The following MUC4 variants were observed in gnomAD, a reference collection of about 807,000 sequenced individuals.
MUC4 encodes the protein mucin-4.
Under a neutral mutation model 257.9 loss-of-function variants are expected in MUC4, and 202 were observed. That is an observed-to-expected ratio of 0.78 (90% CI 0.70 to 0.88). The LOEUF (loss-of-function observed/expected upper bound fraction) is 0.88. MUC4 is among the 40% of genes least tolerant of loss of function. The probability of loss-of-function intolerance (pLI) is 0.00; values close to 1 mark genes in which losing one functional copy is unlikely to be tolerated. For synonymous variants in MUC4, 2,351 were observed against 2,757.1 expected (o/e 0.85, Z 4.62); for missense variants, 5,976 against 6,513.7 (o/e 0.92, Z 2.84).
intron 17 of MUC4, 60 bp downstream of exon 17, chr3:195,759,064 G>C (rs528810492): frequency 2.5e-6 from 4 of 1,585,440 alleles, no homozygotes; most frequent in Admixed American, 1.7e-5. Flanking sequence ...TCCCAAATTT[G>C]ACTCTGACCT....
rs1216781703 is a variant in MUC4, at chr3:195,788,545, G to A, written c.3035C>T (p.Thr1012Ile). Reference protein sequence around the residue: ...STGHATPLPVTSPSSVSTGHT... With the variant: ...STGHATPLPVISPSSVSTGHT... Reference sequence around the variant, plus strand: ...ACCTGTGGATACTGAGGAAGGGCTGGTGACAGGAAGAGGGGTGGCGTGACC... The same window carrying A: ...ACCTGTGGATACTGAGGAAGGGCTGATGACAGGAAGAGGGGTGGCGTGACC... Residue 1012 changes from threonine to isoleucine, a missense_variant, in exon 2 of 25, where the codon ACC (threonine) becomes ATC (isoleucine). Thr to Ile is a moderately conservative substitution (Grantham distance 89). Transcript: ENST00000463781. 3 of 1,526,712 alleles carry A rather than the reference G, an allele frequency of 2.0e-6. No homozygotes were observed. The highest frequency in any genetic ancestry group is 2.7e-5 in the African/African-American group (2 of 72,886). The allele number at this position is 1,526,712 out of a possible 1,614,324, so 94.6% of individuals were successfully genotyped here. A position where few individuals can be genotyped will look rare whatever the true frequency, so the allele number is the denominator to read the frequency against.
Position 195,788,960 on chromosome 3 carries a change from G to C in MUC4, c.2620C>G (p.Pro874Ala). 6.2e-7 allele frequency: 1 copy of C among 1,613,656 alleles called. No individual in the cohort carries two copies. Among genetic ancestry groups the C allele is most frequent in the South Asian group, 1.1e-5 (1 of 91,064 alleles). ...GCAGTGGAGGCCTCAGAGAGGGTGG[G>C]ATGAAAGGTGCCGGGGACGATCGAA... Reference protein sequence around the residue: ...ASSIVPGTFHPTLSEASTAGR... With the variant: ...ASSIVPGTFHATLSEASTAGR... Residue 874 changes from proline (P) to alanine (A), a missense_variant, in exon 2 of 25, where the codon CCC (proline) becomes GCC (alanine). By Grantham distance (27) the Pro-to-Ala change is conservative. Transcript: ENST00000463781.
In MUC4 at chr3:195,762,191, C is replaced by T. The variant is rs1719128996; in HGVS notation, c.14408G>A (p.Ser4803Asn). 2 of 1,603,400 alleles carry T rather than the reference C, an allele frequency of 1.2e-6. No individual in the cohort carries two copies. The highest frequency in any genetic ancestry group is 2.3e-5 in the South Asian group (2 of 88,868). ...CGAGACGGTGGCCCAGCCGTCGAAG[C>T]TGGCCGAGACCTCAGAGCCGTTGCG... ...LSRNGSEVSA[S>N]FDGWATVSVI... Residue 4803 changes from serine to asparagine, a missense_variant, in exon 14 of 25, where the codon AGC (serine) becomes AAC (asparagine). Ser to Asn is a conservative substitution (Grantham distance 46). Coordinates refer to ENST00000463781, the MANE Select transcript of MUC4 (RefSeq NM_018406.7).
rs1432025733 is a variant in MUC4 at position 195,778,405 on chromosome 3, A to T, written c.12841T>A (p.Ser4281Thr). ...GTCTGGGAGGTTGTGGGGGGTGGTG[A>T]TGTGGCTGTGCGTCTCCCACCGTCT... ...KTDGGRRTATSPPPTTSQTII... is the reference protein window; with the variant it reads ...KTDGGRRTATTPPPTTSQTII... Residue 4281 changes from serine to threonine, a missense_variant, in exon 3 of 25, where the codon TCA becomes ACA. By Grantham distance (58) the Ser-to-Thr change is moderately conservative. This residue lies in a region of MUC4 where 233 missense variants were observed against 171.2 expected (regional missense o/e 1.36). Transcript: ENST00000463781. 2 of 1,612,678 alleles carry T rather than the reference A, an allele frequency of 1.2e-6. No homozygotes were observed. Among genetic ancestry groups the T allele is most frequent in the African/African-American group, 1.3e-5 (1 of 74,752 alleles).
intron 3 of MUC4, among the ~76,000 whole-genome samples, chr3:195,777,584 C>CCCATACCTTCCACGG (rs1725156804): frequency 3.5e-5 from 4 of 114,956 alleles, no homozygotes; most frequent in Admixed American, 8.6e-5. Flanking sequence ...ACCTTCCACA[C>CCCATACCTTCCACGG]CCATACCTTC....
chr3:195,763,991 C>A lies in MUC4; in HGVS notation c.14044+54G>T, dbSNP rs1278977721. The A allele has an allele frequency of 3.2e-6, 5 of 1,571,272 alleles. No homozygotes were observed. The East Asian group carries it at 9.2e-5, about 29-fold the overall frequency. On this transcript the variant is annotated intron_variant, in intron 11 of 24. Transcript: ENST00000463781. Reference sequence around the variant, plus strand: ...TATCCAGATGCCACCTCCCGGAAGCCCAGAAGCTCCCCCTCCCCAGAGGCT... The same window carrying A: ...TATCCAGATGCCACCTCCCGGAAGCACAGAAGCTCCCCCTCCCCAGAGGCT...
Position 195,799,260 on chromosome 3 carries a change from T to TGTGTGTGTGAGAGA in MUC4, c.83-7764_83-7763insTCTCTCACACACAC, listed in dbSNP as rs1553889795. Among the ~76,000 whole-genome samples, 935 of 149,210 alleles carry TGTGTGTGTGAGAGA rather than the reference T, an allele frequency of 6.3e-3. 9 individuals are homozygous for TGTGTGTGTGAGAGA. Among genetic ancestry groups the TGTGTGTGTGAGAGA allele is most frequent in the South Asian group, 8.6e-3 (41 of 4,752 alleles). ...GTGTGTGTGTGTGTGTGTGTGTGTG[T>TGTGTGTGTGAGAGA]GACACTGTGTGTGTGTGTCCCTGCC... On this transcript the variant is annotated intron_variant, in intron 1 of 24. Transcript: ENST00000463781.
chr3:195,791,472 A>C lies in MUC4; in HGVS notation c.108T>G (p.Thr36=), dbSNP rs1733857336. 2.5e-6 allele frequency: 4 copies of C among 1,613,850 alleles called. No homozygotes were observed. In the Middle Eastern group the frequency reaches 5.0e-4, roughly 200 times the overall value. The change falls in exon 2 of 25, where the codon ACT becomes ACG. Residue 36 remains threonine (T), a synonymous_variant. Coordinates refer to ENST00000463781, the MANE Select transcript of MUC4 (RefSeq NM_018406.7). Reference sequence around the variant, plus strand: ...TGACTGGGGCAGCAGTTTTACTTCCAGTTATTAATGTGTCCTCTGTGGTTC... The same window carrying C: ...TGACTGGGGCAGCAGTTTTACTTCCCGTTATTAATGTGTCCTCTGTGGTTC... The part of the protein sequence containing the change: ...VPGTTEDTLI[T]GSKTAAPVTS...
intron 1 of MUC4, among the ~76,000 whole-genome samples, chr3:195,792,311 G>T (rs1350256954): frequency 6.6e-6 from 1 of 152,108 alleles, no homozygotes; most frequent in Non-Finnish European, 1.5e-5. Flanking sequence ...CCATCAAAAA[G>T]CAGGCAAAGG....
Position 195,753,923 on chromosome 3 carries a change from C to T in MUC4, c.15328+290G>A, listed in dbSNP as rs1716989809. The T allele has an allele frequency of 1.5e-5, 6 of 387,678 alleles. No individual in the cohort carries two copies. The East Asian group carries it at 2.4e-4, about 15-fold the overall frequency. The allele number at this position is 387,678 out of a possible 1,614,324, so 24.0% of individuals were successfully genotyped here. A position where few individuals can be genotyped will look rare whatever the true frequency, so the allele number is the denominator to read the frequency against. On this transcript the variant is annotated intron_variant, in intron 19 of 24. Transcript: ENST00000463781. ...ATCTTCAGTCTTTCGCCCGGGGCTC[C>T]CCCCATCAATGCCTCAGGGATGCCC...
chr3:195,761,750 C>A (rs1718965777), intron 14 of MUC4, among the ~76,000 whole-genome samples, 165 bp from the exon 15 acceptor site: 1 of 152,170 alleles, frequency 6.6e-6, no homozygotes, highest in Non-Finnish European at 1.5e-5. Context: ...TCACACCCTG[C>A]CCGTCTGCCT....
In MUC4 at chr3:195,790,838, A is replaced by G. The variant is rs1733768651; in HGVS notation, c.742T>C (p.Ser248Pro). 6.2e-7 allele frequency: 1 copy of G among 1,613,632 alleles called. No individual in the cohort carries two copies. Among genetic ancestry groups the G allele is most frequent in the Non-Finnish European group, 8.5e-7 (1 of 1,179,828 alleles). Residue 248 changes from serine (S) to proline (P), a missense_variant, in exon 2 of 25, where the codon TCA (serine) becomes CCA (proline). Physicochemically the swap from Ser to Pro is moderately conservative, Grantham distance 74. Coordinates refer to ENST00000463781, the MANE Select transcript of MUC4 (RefSeq NM_018406.7). ...GTGTTTGTGACACTACAGAGGGATGAGGTAGCTGTTTCACCTGAAGGAGAT... is the reference window on the plus strand; with the variant it reads ...GTGTTTGTGACACTACAGAGGGATGGGGTAGCTGTTTCACCTGAAGGAGAT... The part of the protein sequence containing the change: ...KTSPSGETAT[S>P]SLCSVTNTSM...
chr3:195,796,067 T>C (rs1409207741), intron 1 of MUC4, among the ~76,000 whole-genome samples: 3 of 152,044 alleles, frequency 2.0e-5, no homozygotes, highest in Admixed American at 2.0e-4. Flanking sequence ...AAAACTATTT[T>C]ATTTTATTTA....
chr3:195,774,341 G>A (rs1252835955), intron 3 of MUC4, 36 bp from the exon 4 acceptor site: 2 of 1,486,258 alleles, frequency 1.3e-6, no homozygotes, highest in African/African-American at 2.9e-5. Flanking sequence ...AAGTCCAAGT[G>A]GGCCTGGGCC....
chr3:195,772,462 C>T (rs112973202), intron 4 of MUC4, among the ~76,000 whole-genome samples: 1 of 138,404 alleles, frequency 7.2e-6, no homozygotes, highest in African/African-American at 2.9e-5. Context: ...GGTGTAGACA[C>T]CCTCTCTCCA....
chr3:195,748,621 A>G (rs1715656302), intron 24 of MUC4, among the ~76,000 whole-genome samples: 1 of 152,264 alleles, frequency 6.6e-6, no homozygotes, highest in African/African-American at 2.4e-5. Context: ...TGCTTAACCT[A>G]CTGCGTCCTG....
chr3:195,758,480 A>T (rs538768071), intron 17 of MUC4, among the ~76,000 whole-genome samples: 1 of 152,314 alleles, frequency 6.6e-6, no homozygotes, highest in Non-Finnish European at 1.5e-5. Flanking sequence ...GGTCATTTTA[A>T]ATGTTGCACT....
In MUC4 at chr3:195,786,463, G is replaced by A; in HGVS notation, c.5117C>T (p.Ser1706Phe). ...AGGAAGAGGGGTGGCCTGACCTGTG[G>A]ATGCCGAGGAAACGTCGGTGACAGG... The part of the protein sequence containing the change: ...RLPVTDVSSA[S>F]TGQATPLPVT... Residue 1706 changes from serine to phenylalanine, a missense_variant, in exon 2 of 25, where the codon TCC becomes TTC. Ser to Phe is a radical substitution (Grantham distance 155). Around this residue, in one of 44 missense-constraint regions of MUC4, gnomAD observed 138 missense variants for 107.8 expected, o/e 1.28. Transcript: ENST00000463781. 3.3e-6 allele frequency: 5 copies of A among 1,527,506 alleles called. No homozygotes were observed. Among genetic ancestry groups the A allele is most frequent in the Non-Finnish European group, 4.4e-6 (5 of 1,132,830 alleles). The allele number at this position is 1,527,506 out of a possible 1,614,324, so 94.6% of individuals were successfully genotyped here. A position where few individuals can be genotyped will look rare whatever the true frequency, so the allele number is the denominator to read the frequency against.
Position 195,778,419 on chromosome 3 carries a change from C to T in MUC4, c.12827G>A (p.Arg4276Lys). 6.2e-7 allele frequency: 1 copy of T among 1,612,982 alleles called. No individual in the cohort carries two copies. Among genetic ancestry groups the T allele is most frequent in the Non-Finnish European group, 8.5e-7 (1 of 1,179,836 alleles). ...GGGGGGTGGTGATGTGGCTGTGCGT[C>T]TCCCACCGTCTGTCTTCAGTGACGG... is the stretch of plus-strand genomic sequence containing the variant. ...TTPSLKTDGG[R>K]RTATSPPPTT... The change falls in exon 3 of 25, where the codon AGA (arginine) becomes AAA (lysine). Residue 4276 changes from arginine (R) to lysine (K), a missense_variant. By Grantham distance (26) the Arg-to-Lys change is conservative. Transcript: ENST00000463781.
Sources: allele counts gnomAD v4.1 joint callset (sites outside exome capture counted in the v4.1 genomes callset), GRCh38; gene constraint gnomAD v4.1.1; regional missense constraint gnomAD v4.1.1; transcripts MANE v1.5; gene names NCBI Gene and HGNC (gene_info 2026-07-23, HGNC 2026-07-21).